Variants in RABGAP1L observed in about 807,000 individuals in gnomAD.
RABGAP1L encodes rab GTPase-activating protein 1-like.
RABGAP1L carries 63 observed loss-of-function variants against 137.7 expected under a neutral mutation model. That is an observed-to-expected ratio of 0.46 (90% CI 0.37 to 0.56). The LOEUF is 0.56. Ranked by LOEUF, RABGAP1L falls within the 20% of genes least tolerant of loss-of-function variation. RABGAP1L has a pLI of 0.00. For missense variants in RABGAP1L, 1,095 were observed against 1,244.0 expected, an observed-to-expected ratio of 0.88 and a Z score of 1.80; for synonymous variants, 431 against 433.7, an observed-to-expected ratio of 0.99 and a Z score of 0.08.
chr1:174,248,866 ATTC>A lies in RABGAP1L; in HGVS notation c.718-1603_718-1601del, dbSNP rs1367859985. 3.9e-5 allele frequency among the ~76,000 whole-genome samples: 6 copies of A among 152,272 alleles called. No homozygotes were observed. The South Asian group carries it at 1.0e-3, about 26-fold the overall frequency. On this transcript the variant is annotated intron_variant, in intron 5 of 25. Coordinates refer to ENST00000681986, the MANE Select transcript of RABGAP1L (RefSeq NM_001366446.1). Reference sequence around the variant, plus strand: ...TGAGGGATTTATTAATGTTCACAGCATTCTTCTTATCTGTACTTCCCAATGTGA... The same window carrying A: ...TGAGGGATTTATTAATGTTCACAGCATTCTTATCTGTACTTCCCAATGTGA...
At chr1:174,291,674 C>A (rs1461885577) in intron 10 of RABGAP1L, among the ~76,000 whole-genome samples, 1 of 151,936 alleles carries the variant, frequency 6.6e-6, no homozygotes, top group Non-Finnish European at 1.5e-5. Context: ...TTTTAAATTT[C>A]TTGAAATGTT....
chr1:174,444,187 G>GTTTT (rs146180628), intron 13 of RABGAP1L, among the ~76,000 whole-genome samples: 1 of 148,506 alleles, frequency 6.7e-6, no homozygotes, highest in South Asian at 2.1e-4. Flanking sequence ...CAAATTTTAG[G>GTTTT]TTTTTTTTTT....
At chr1:174,334,656 T>C (rs1031963299) in intron 11 of RABGAP1L, among the ~76,000 whole-genome samples, 2 of 152,180 alleles carry the variant, frequency 1.3e-5, no homozygotes, top group Non-Finnish European at 2.9e-5. Flanking sequence ...CCTCTCTACC[T>C]GGAGCTCTTT....
intron 13 of RABGAP1L, among the ~76,000 whole-genome samples, chr1:174,509,004 G>T (rs1662086049): frequency 6.6e-6 from 1 of 152,146 alleles, no homozygotes; most frequent in East Asian, 1.9e-4. Context: ...AATTTTAAAT[G>T]TGCAGTGCAC....
intron 12 of RABGAP1L, among the ~76,000 whole-genome samples, chr1:174,390,854 T>A (rs1253262590): frequency 6.6e-6 from 1 of 152,056 alleles, no homozygotes; most frequent in Non-Finnish European, 1.5e-5. Flanking sequence ...AGAAACTGAG[T>A]TCAGACTTGG....
chr1:174,793,503 A>G (rs1345843898), intron 18 of RABGAP1L, among the ~76,000 whole-genome samples: 1 of 152,198 alleles, frequency 6.6e-6, no homozygotes, highest in Non-Finnish European at 1.5e-5. Flanking sequence ...TCTATATTGT[A>G]CTCTAATTCT....
At chr1:174,778,772 T>G (rs1399978108) in intron 18 of RABGAP1L, among the ~76,000 whole-genome samples, 1 of 152,034 alleles carries the variant, frequency 6.6e-6, no homozygotes, top group East Asian at 1.9e-4. Context: ...TTTTTTGTAT[T>G]TTTAGTAGAG....
chr1:174,935,984 C>CAAAAA (rs58215269), intron 19 of RABGAP1L, among the ~76,000 whole-genome samples: 23 of 43,140 alleles, frequency 5.3e-4, no homozygotes, highest in Middle Eastern at 0.018. Context: ...TCCATCTCAC[C>CAAAAA]AAAAAAAAAA....
At position 174,702,212 on chromosome 1, in the gene RABGAP1L, C is replaced by G; in HGVS notation, c.2125C>G (p.Pro709Ala). 1 of 1,612,580 alleles carries G rather than the reference C, an allele frequency of 6.2e-7. No homozygotes were observed. The highest frequency in any genetic ancestry group is 1.1e-5 in the South Asian group (1 of 90,784). ...TCTCACTCTTTTTACTGCCAAGTTC[C>G]CACTCTGCATGGTGTTCCACATCAT... Reference protein sequence around the residue: ...WFLTLFTAKFPLCMVFHIIDL... With the variant: ...WFLTLFTAKFALCMVFHIIDL... The change falls in exon 17 of 26, where the codon CCA (proline) becomes GCA (alanine). Residue 709 changes from proline (P) to alanine (A), a missense_variant. Pro to Ala is a conservative substitution (Grantham distance 27, BLOSUM62 -1). Around this residue, in one of 4 missense-constraint regions of RABGAP1L, gnomAD observed 312 missense variants for 435.6 expected, o/e 0.72. Coordinates refer to ENST00000681986, the MANE Select transcript of RABGAP1L (RefSeq NM_001366446.1).
intron 10 of RABGAP1L, among the ~76,000 whole-genome samples, chr1:174,302,906 A>G (rs1161685700): frequency 6.6e-6 from 1 of 152,226 alleles, no homozygotes; most frequent in Non-Finnish European, 1.5e-5. Context: ...ACTTAAATCA[A>G]AGTATGATCA....
intron 1 of RABGAP1L, among the ~76,000 whole-genome samples, chr1:174,205,970 T>G (rs1353096400): frequency 6.6e-6 from 1 of 152,230 alleles, no homozygotes; most frequent in African/African-American, 2.4e-5. Context: ...GCCTCAGGAA[T>G]GACTCAGGGA....
At chr1:174,666,986 A>C (rs1333115682) in intron 14 of RABGAP1L, among the ~76,000 whole-genome samples, 12 of 29,816 alleles carry the variant, frequency 4.0e-4, no homozygotes, top group Admixed American at 1.1e-3. Flanking sequence ...GTTACAAGGC[A>C]AAAAAAAAAA....
At chr1:174,467,739 T>G (rs1657462769) in intron 13 of RABGAP1L, among the ~76,000 whole-genome samples, 1 of 152,176 alleles carries the variant, frequency 6.6e-6, no homozygotes, top group East Asian at 1.9e-4. Flanking sequence ...CTATAGAATT[T>G]GAATCCAGCT....
intron 13 of RABGAP1L, among the ~76,000 whole-genome samples, chr1:174,447,466 C>A (rs192899075): frequency 1.3e-5 from 2 of 152,076 alleles, no homozygotes; most frequent in East Asian, 3.9e-4. Context: ...AAATTTGACC[C>A]CCCAACATCA....
At chr1:174,909,195 A>AAT (rs1659646860) in intron 19 of RABGAP1L, among the ~76,000 whole-genome samples, 1 of 150,600 alleles carries the variant, frequency 6.6e-6, no homozygotes, top group Non-Finnish European at 1.5e-5. Flanking sequence ...AAAAAAAAAA[A>AAT]GTACTAAAAA....
intron 11 of RABGAP1L, among the ~76,000 whole-genome samples, chr1:174,346,811 G>T (rs186063973): frequency 2.0e-5 from 3 of 151,466 alleles, no homozygotes; most frequent in African/African-American, 7.3e-5. Context: ...AAGTTGCATC[G>T]TTAGGTTGTT....
At chr1:174,231,115 T>G in intron 3 of RABGAP1L, 30 bp from the exon 4 acceptor site, 1 of 1,531,608 alleles carries the variant, frequency 6.5e-7, no homozygotes, top group Non-Finnish European at 9.0e-7. Context: ...TTGCAATGAC[T>G]TTTGAGTGTT....
intron 13 of RABGAP1L, among the ~76,000 whole-genome samples, chr1:174,586,562 A>C (rs1411156380): frequency 6.6e-6 from 1 of 152,108 alleles, no homozygotes; most frequent in Non-Finnish European, 1.5e-5. Flanking sequence ...AAATGAAATT[A>C]TTTTTAAAAA....
chr1:174,713,036 A>G lies in RABGAP1L; in HGVS notation c.2169+10780A>G, dbSNP rs186782848. On this transcript the variant is annotated intron_variant, in intron 17 of 25. Coordinates refer to ENST00000681986, the MANE Select transcript of RABGAP1L (RefSeq NM_001366446.1). ...AAATGCCTCTCCTGATTTAGGTCCA[A>G]TGGCACAGGCCCAGAGGTGGAGCCC... Among the ~76,000 whole-genome samples, 299 of 152,326 alleles carry G rather than the reference A, an allele frequency of 2.0e-3. 1 individual carries two copies. Among genetic ancestry groups the G allele is most frequent in the African/African-American group, 6.8e-3 (283 of 41,584 alleles).
Sources: gnomAD v4.1 joint callset for allele counts (sites outside exome capture counted in the v4.1 genomes callset) on GRCh38, gnomAD v4.1.1 for gene constraint, gnomAD v4.1.1 regional missense constraint, MANE v1.5 for transcripts, NCBI Gene and HGNC (gene_info 2026-07-23, HGNC 2026-07-21) for gene names.